The following ANLN variants were observed in gnomAD, a reference collection of about 807,000 sequenced individuals.
ANLN encodes anillin, actin binding protein.
ANLN carries 59 observed loss-of-function variants against 135.1 expected under a neutral mutation model. The observed-to-expected ratio is 0.44, with a 90% CI of 0.35 to 0.54. ANLN has a LOEUF of 0.54. ANLN is among the 20% of genes least tolerant of loss of function. ANLN has a pLI of 0.00. For synonymous variants in ANLN, 406 were observed against 456.4 expected, an observed-to-expected ratio of 0.89 and a Z score of 1.41; for missense variants, 1,182 against 1,340.0, an observed-to-expected ratio of 0.88 and a Z score of 1.84.
chr7:36,421,727 G>T, intron 12 of ANLN, 130 bp from the exon 13 acceptor site: 1 of 790,602 alleles, frequency 1.3e-6, no homozygotes. Flanking sequence ...CTTGAGCAGT[G>T]AAACTAACAT....
chr7:36,443,683 C>A, intron 21 of ANLN, 72 bp from the exon 22 acceptor site: 1 of 943,060 alleles, frequency 1.1e-6, no homozygotes, highest in Non-Finnish European at 1.7e-6. Flanking sequence ...AGTTAGTGTA[C>A]AGAATCAGCA....
In ANLN at chr7:36,406,304, A is replaced by G. The variant is rs761347630; in HGVS notation, c.611A>G (p.Asn204Ser). 4.3e-6 allele frequency: 7 copies of G among 1,614,210 alleles called. No homozygotes were observed. The highest frequency in any genetic ancestry group is 3.4e-6 in the Non-Finnish European group (4 of 1,180,024). The change falls in exon 4 of 24, where the codon AAT becomes AGT. Residue 204 changes from asparagine to serine, a missense_variant. Around this residue, in one of 3 missense-constraint regions of ANLN, gnomAD observed 1,022 missense variants for 1,134.0 expected, o/e 0.90. Transcript: ENST00000265748. The part of the protein sequence containing the change: ...TPVGRRGRLA[N>S]LAATICSWED... ...GTTGGCAGAAGGGGCCGTCTGGCCA[A>G]TCTTGCTGCAACTATTTGCTCCTGG...
chr7:36,426,050 G>A lies in ANLN; in HGVS notation c.2770+14G>A, dbSNP rs1788067299. ...TTCATTCTTCAGGTGAGTGTATCTT[G>A]AACTATTTGAAACTTTAGAATAAGG... On this transcript the variant is annotated intron_variant, in intron 19 of 23. Transcript: ENST00000265748. 6.9e-7 allele frequency: 1 copy of A among 1,453,932 alleles called. No individual in the cohort carries two copies. The highest frequency in any genetic ancestry group is 9.2e-7 in the Non-Finnish European group (1 of 1,092,342). The allele number at this position is 1,453,932 out of a possible 1,614,324, so 90.1% of individuals were successfully genotyped here. A position where few individuals can be genotyped will look rare whatever the true frequency, so the allele number is the denominator to read the frequency against.
In ANLN at chr7:36,427,022, G is replaced by A. The variant is rs1230349812; in HGVS notation, c.2877G>A (p.Leu959=). 1.9e-6 allele frequency: 3 copies of A among 1,591,516 alleles called. No homozygotes were observed. Among genetic ancestry groups the A allele is most frequent in the East Asian group, 2.2e-5 (1 of 44,648 alleles). The change falls in exon 20 of 24, where the codon CTG becomes CTA. Residue 959 remains leucine (L), a synonymous_variant. Transcript: ENST00000265748. ...CAGTAGGAAATACTAAGTTTGTTCT[G>A]GACAAGGTAATCCAACTTTATTTCT... ...LSSVGNTKFV[L]DKVPFLSSLE...
chr7:36,435,765 C>G (rs549682712), intron 20 of ANLN, among the ~76,000 whole-genome samples: 2 of 143,654 alleles, frequency 1.4e-5, no homozygotes, highest in Admixed American at 1.5e-4. Flanking sequence ...CCCAGCTACT[C>G]GGGAGGCTGA....
chr7:36,417,869 G>T (rs902813217), intron 9 of ANLN, among the ~76,000 whole-genome samples: 1 of 151,916 alleles, frequency 6.6e-6, no homozygotes, highest in African/African-American at 2.4e-5. Context: ...TAGAGAGGGG[G>T]TTTCACCATA....
At chr7:36,436,631 G>A (rs536199686) in intron 20 of ANLN, among the ~76,000 whole-genome samples, 9 of 152,182 alleles carry the variant, frequency 5.9e-5, no homozygotes, top group Middle Eastern at 3.4e-3. Context: ...TTTTCTGTTC[G>A]TTTTATTTTT....
At chr7:36,415,542 T>C (rs1193158152) in intron 7 of ANLN, among the ~76,000 whole-genome samples, 1 of 152,092 alleles carries the variant, frequency 6.6e-6, no homozygotes, top group Non-Finnish European at 1.5e-5. Context: ...TCCAAAAAAA[T>C]TTTTACATAC....
rs1346177727 is a variant in ANLN, at chr7:36,389,886, G to GAGAGGAC, written c.-138_-132dup. On this transcript the variant is annotated 5_prime_UTR_variant, in exon 1 of 24. Transcript: ENST00000265748. ...CGAGTCCGTCACTGGAAGCCGAGAGGAGAGGACAGCTGGTTGTGGGAGAGT... is the reference window on the plus strand; with the variant it reads ...CGAGTCCGTCACTGGAAGCCGAGAGGAGAGGACAGAGGACAGCTGGTTGTGGGAGAGT... 1 of 1,472,878 alleles carries GAGAGGAC rather than the reference G, an allele frequency of 6.8e-7. No homozygotes were observed. The highest frequency in any genetic ancestry group is 1.4e-5 in the African/African-American group (1 of 72,202). The allele number at this position is 1,472,878 out of a possible 1,614,324, so 91.2% of individuals were successfully genotyped here.
Position 36,417,674 on chromosome 7 carries a change from CTTTTTTTTTTT to C in ANLN, c.1633+497_1633+507del, listed in dbSNP as rs70977138. ...TGCAAGTCCAGGCCTCTCAAACTTCCTTTTTTTTTTTTTTTTTTTTTTTGAGACAGTCTCAC... is the reference window on the plus strand; with the variant it reads ...TGCAAGTCCAGGCCTCTCAAACTTCCTTTTTTTTTTTTGAGACAGTCTCAC... On this transcript the variant is annotated intron_variant, in intron 9 of 23. Coordinates refer to ENST00000265748, the MANE Select transcript of ANLN (RefSeq NM_018685.5). 1.1e-4 allele frequency among the ~76,000 whole-genome samples: 11 copies of C among 97,276 alleles called. No homozygotes were observed. The East Asian group carries it at 2.3e-3, about 20-fold the overall frequency. 63.8% of individuals were successfully genotyped at this position (97,276 alleles called of 152,430 possible).
At chr7:36,416,295 A>G (rs534104576) in intron 8 of ANLN, among the ~76,000 whole-genome samples, 1 of 152,202 alleles carries the variant, frequency 6.6e-6, no homozygotes, top group Non-Finnish European at 1.5e-5. Flanking sequence ...CTGGGATTAC[A>G]GGGGTCAGCC....
At chr7:36,433,269 T>A (rs1402196658) in intron 20 of ANLN, among the ~76,000 whole-genome samples, 2 of 152,218 alleles carry the variant, frequency 1.3e-5, no homozygotes, top group Non-Finnish European at 2.9e-5. Context: ...TGTAATATAG[T>A]TCTGCTGGAA....
chr7:36,392,261 C>T (rs1162187439), intron 1 of ANLN, among the ~76,000 whole-genome samples: 1 of 152,138 alleles, frequency 6.6e-6, no homozygotes, highest in Non-Finnish European at 1.5e-5. Context: ...AGTGGAATTT[C>T]TCTTATTTTC....
intron 11 of ANLN, 96 bp downstream of exon 11, chr7:36,420,410 C>A: frequency 6.9e-7 from 1 of 1,457,254 alleles, no homozygotes; most frequent in Non-Finnish European, 9.3e-7. Context: ...TTATTAATAA[C>A]TCATCTGTAT....
rs551103058 is a variant in ANLN, at chr7:36,393,205, G to C, written c.19-3061G>C. ...TAACTGGCTAATTTTTGTATTTTTA[G>C]TAGAGATGGGGTTTCACCGTGTTTG... is the stretch of plus-strand genomic sequence containing the variant. On this transcript the variant is annotated intron_variant, in intron 1 of 23. Transcript: ENST00000265748. Among the ~76,000 whole-genome samples, 18 of 152,154 alleles carry C rather than the reference G, an allele frequency of 1.2e-4. No individual in the cohort carries two copies. In the East Asian group the frequency reaches 3.3e-3, roughly 28 times the overall value.
At position 36,449,748 on chromosome 7, in the gene ANLN, C is replaced by T. The variant is rs1789166920; in HGVS notation, c.3162C>T (p.Asn1054=). 1 of 1,614,100 alleles carries T rather than the reference C, an allele frequency of 6.2e-7. No individual in the cohort carries two copies. The highest frequency in any genetic ancestry group is 1.3e-5 in the African/African-American group (1 of 75,034). ...PANREFCARR[N]TFELITVRPQ... is the part of the protein sequence containing the mutation. ...ACAGAGAATTTTGTGCAAGACGCAA[C>T]ACTTTTGAATTAATTACTGTCCGAC... is the stretch of plus-strand genomic sequence containing the variant. The change falls in exon 23 of 24, where the codon AAC becomes AAT. Residue 1054 remains asparagine (N), a synonymous_variant. Coordinates refer to ENST00000265748, the MANE Select transcript of ANLN (RefSeq NM_018685.5).
At chr7:36,435,395 G>T (rs573836433) in intron 20 of ANLN, among the ~76,000 whole-genome samples, 1,586 of 149,604 alleles carry the variant, frequency 0.011, 11 homozygotes, top group Middle Eastern at 0.051. Flanking sequence ...TGGGGGGGGG[G>T]TCTCAGTATG....
rs551817596 is a variant in ANLN at position 36,443,205 on chromosome 7, C to T, written c.2971-550C>T. The stretch of plus-strand genomic sequence containing the variant: ...GATGGCAGGGAGGCACCACTTCAAG[C>T]GTGTCTCACGGCCCAGCAGTGGGCT... On this transcript the variant is annotated intron_variant, in intron 21 of 23. Coordinates refer to ENST00000265748, the MANE Select transcript of ANLN (RefSeq NM_018685.5). Among the ~76,000 whole-genome samples, 21 of 152,266 alleles carry T rather than the reference C, an allele frequency of 1.4e-4. No individual in the cohort carries two copies. The South Asian group carries it at 1.9e-3, about 14-fold the overall frequency.
rs1230031315 is a variant in ANLN at position 36,420,156 on chromosome 7, CG to C, written c.1870-12del. The C allele has an allele frequency of 6.2e-7, 1 of 1,608,086 alleles. No individual in the cohort carries two copies. The highest frequency in any genetic ancestry group is 8.5e-7 in the Non-Finnish European group (1 of 1,176,148). On this transcript the variant is annotated splice_polypyrimidine_tract_variant and intron_variant, in intron 10 of 23. Coordinates refer to ENST00000265748, the MANE Select transcript of ANLN (RefSeq NM_018685.5). ...TTAGGATCAATGTTAATATCTGATGCGTTTTCCCACAGAGTTTAGTGTCCAC... is the reference window on the plus strand; with the variant it reads ...TTAGGATCAATGTTAATATCTGATGCTTTTCCCACAGAGTTTAGTGTCCAC...
Sources: gnomAD v4.1 joint callset for allele counts (sites outside exome capture counted in the v4.1 genomes callset) on GRCh38, gnomAD v4.1.1 for gene constraint, gnomAD v4.1.1 regional missense constraint, MANE v1.5 for transcripts, NCBI Gene and HGNC (gene_info 2026-07-23, HGNC 2026-07-21) for gene names.